LURAP1L: variants seen among roughly 807,000 people sequenced by gnomAD.
LURAP1L encodes the protein leucine rich adaptor protein 1 like.
A neutral mutation model predicts 13.8 loss-of-function variants in LURAP1L; 12 were observed. The ratio of observed to expected loss-of-function variants is 0.87; its 90% CI spans 0.56 to 1.41. The LOEUF is 1.41. LURAP1L is among the 40% of genes most tolerant of loss of function. The pLI, the probability that LURAP1L is intolerant of heterozygous loss-of-function variation, is 0.00. For missense variants in LURAP1L, 375 were observed against 292.9 expected, an observed-to-expected ratio of 1.28 and a Z score of -2.04; for synonymous variants, 139 against 119.2, an observed-to-expected ratio of 1.17 and a Z score of -1.08.
chr9:12,783,179 C>T (rs979921633), intron 1 of LURAP1L, among the ~76,000 whole-genome samples: 3 of 151,750 alleles, frequency 2.0e-5, no homozygotes, highest in South Asian at 4.2e-4. Context: ...TTTTTTCTTC[C>T]CAATTTGGAT....
chr9:12,804,721 C>T (rs1419045001), intron 1 of LURAP1L, among the ~76,000 whole-genome samples: 2 of 151,974 alleles, frequency 1.3e-5, no homozygotes, highest in East Asian at 1.9e-4. Context: ...ATATGCTTAA[C>T]GTTTATTTGG....
chr9:12,808,689 G>A (rs10960804), intron 1 of LURAP1L, among the ~76,000 whole-genome samples: 19,910 of 152,044 alleles, frequency 0.13, 1,596 homozygotes, highest in East Asian at 0.28. Flanking sequence ...AATATGCCTA[G>A]ATATAGGTTT....
intron 1 of LURAP1L, among the ~76,000 whole-genome samples, chr9:12,783,315 T>C (rs2118467539): frequency 6.6e-6 from 1 of 152,322 alleles, no homozygotes; most frequent in South Asian, 2.1e-4. Context: ...CAGTTTTCCC[T>C]CTTTCAGTAT....
chr9:12,801,304 T>A (rs1426434233), intron 1 of LURAP1L, among the ~76,000 whole-genome samples: 2 of 151,178 alleles, frequency 1.3e-5, no homozygotes, highest in East Asian at 3.9e-4. Flanking sequence ...TTATGTTAAA[T>A]GTGGTTAAGT....
At chr9:12,800,314 T>C (rs192808226) in intron 1 of LURAP1L, among the ~76,000 whole-genome samples, 2 of 152,206 alleles carry the variant, frequency 1.3e-5, no homozygotes, top group Non-Finnish European at 2.9e-5. Context: ...TACCACTTTT[T>C]GGATTAGAAA....
At chr9:12,786,331 A>G (rs1040973087) in intron 1 of LURAP1L, among the ~76,000 whole-genome samples, 13 of 151,566 alleles carry the variant, frequency 8.6e-5, no homozygotes, top group Admixed American at 7.2e-4. Flanking sequence ...TGATTATTCA[A>G]ACACTTAATA....
intron 1 of LURAP1L, among the ~76,000 whole-genome samples, chr9:12,789,957 T>C (rs1819418009): frequency 6.6e-6 from 1 of 152,188 alleles, no homozygotes; most frequent in Admixed American, 6.5e-5. Flanking sequence ...AAAATTGTAT[T>C]GCAAATAAAT....
At chr9:12,779,962 A>AC (rs899265726) in intron 1 of LURAP1L, among the ~76,000 whole-genome samples, 8 of 152,114 alleles carry the variant, frequency 5.3e-5, no homozygotes, top group Non-Finnish European at 8.8e-5. Flanking sequence ...CACTATCACC[A>AC]AGATCTCCAG....
intron 1 of LURAP1L, among the ~76,000 whole-genome samples, chr9:12,815,033 AC>A (rs1276126691): frequency 6.6e-6 from 1 of 152,186 alleles, no homozygotes; most frequent in Non-Finnish European, 1.5e-5. Flanking sequence ...AGCATTCCAA[AC>A]CAAAAACAGT....
chr9:12,817,602 C>T (rs1009412587), intron 1 of LURAP1L, among the ~76,000 whole-genome samples: 4 of 152,128 alleles, frequency 2.6e-5, no homozygotes, highest in African/African-American at 4.8e-5. Context: ...AAACTCAGAC[C>T]TTTAGGAGAT....
intron 1 of LURAP1L, among the ~76,000 whole-genome samples, chr9:12,786,162 G>A (rs1441080206): frequency 6.6e-6 from 1 of 151,928 alleles, no homozygotes; most frequent in Non-Finnish European, 1.5e-5. Flanking sequence ...CCACTTATGA[G>A]GTAGACACTA....
At chr9:12,808,738 A>G (rs1018087800) in intron 1 of LURAP1L, among the ~76,000 whole-genome samples, 19 of 152,220 alleles carry the variant, frequency 1.2e-4, no homozygotes, top group African/African-American at 4.3e-4. Context: ...TGAGTTTTGC[A>G]GATCTGTAGC....
In LURAP1L at chr9:12,822,906, A is replaced by G. The variant is rs952092365; in HGVS notation, c.*1146A>G. ...TAAATGTTTCCGGACTAAACACTCT[A>G]TAATACAAATCAAAAAATCTTCCTT... On this transcript the variant is annotated 3_prime_UTR_variant, in exon 2 of 2. Transcript: ENST00000319264. Among the ~76,000 whole-genome samples, 1 of 152,194 alleles carries G rather than the reference A, an allele frequency of 6.6e-6. No individual in the cohort carries two copies. The highest frequency in any genetic ancestry group is 2.4e-5 in the African/African-American group (1 of 41,452).
chr9:12,820,896 G>T (rs1455812694), intron 1 of LURAP1L, among the ~76,000 whole-genome samples: 1 of 152,204 alleles, frequency 6.6e-6, no homozygotes, highest in East Asian at 1.9e-4. Flanking sequence ...TTTTGCTAAT[G>T]AATGCTGAAC....
chr9:12,791,763 T>C (rs1819444187), intron 1 of LURAP1L, among the ~76,000 whole-genome samples: 2 of 151,820 alleles, frequency 1.3e-5, no homozygotes, highest in South Asian at 4.2e-4. Context: ...GCACATGATA[T>C]CACTGTTCCT....
intron 1 of LURAP1L, among the ~76,000 whole-genome samples, chr9:12,779,871 GTC>G (rs1369941489): frequency 6.6e-6 from 1 of 152,152 alleles, no homozygotes; most frequent in Non-Finnish European, 1.5e-5. Context: ...ACTAAACACA[GTC>G]TCTGGCTTAG....
chr9:12,821,516 G>C lies in LURAP1L; in HGVS notation c.443G>C (p.Ser148Thr). The change falls in exon 2 of 2, where the codon AGC becomes ACC. Residue 148 changes from serine (S) to threonine (T), a missense_variant. Physicochemically the swap from Ser to Thr is moderately conservative, Grantham distance 58. Coordinates refer to ENST00000319264, the MANE Select transcript of LURAP1L (RefSeq NM_203403.2). ...ITSRGSSLSGSLCSLLESQST... is the reference protein window; with the variant it reads ...ITSRGSSLSGTLCSLLESQST... ...AGCAGAGGCAGCAGCCTCAGTGGCA[G>C]CCTGTGCAGTTTGTTGGAGAGTCAG... The C allele has an allele frequency of 6.2e-7, 1 of 1,614,204 alleles. No homozygotes were observed. The highest frequency in any genetic ancestry group is 8.5e-7 in the Non-Finnish European group (1 of 1,180,040).
At chr9:12,797,029 G>T (rs1231063734) in intron 1 of LURAP1L, among the ~76,000 whole-genome samples, 1 of 151,566 alleles carries the variant, frequency 6.6e-6, no homozygotes, top group Non-Finnish European at 1.5e-5. Context: ...TTATCACTGG[G>T]GTTCTTTCTT....
chr9:12,815,018 C>G (rs1281871315), intron 1 of LURAP1L, among the ~76,000 whole-genome samples: 1 of 152,098 alleles, frequency 6.6e-6, no homozygotes, highest in Non-Finnish European at 1.5e-5. Flanking sequence ...AGGCTTTTCA[C>G]CTGAAGCATT....
Sources: gnomAD v4.1 joint callset for allele counts (sites outside exome capture counted in the v4.1 genomes callset) on GRCh38, gnomAD v4.1.1 for gene constraint, MANE v1.5 for transcripts, NCBI Gene and HGNC (gene_info 2026-07-23, HGNC 2026-07-21) for gene names.